RASGEF1A: variants seen among roughly 807,000 people sequenced by gnomAD.
RASGEF1A encodes ras-GEF domain-containing family member 1A.
Under a neutral mutation model 56.4 loss-of-function variants are expected in RASGEF1A, and 18 were observed. The observed-to-expected ratio is 0.32, with a 90% CI of 0.22 to 0.47. The LOEUF is 0.47. RASGEF1A is among the 20% of genes least tolerant of loss of function. The pLI, the probability that RASGEF1A is intolerant of heterozygous loss-of-function variation, is 1.00. For synonymous variants in RASGEF1A, 245 were observed against 242.6 expected (o/e 1.01, Z -0.09); for missense variants, 422 against 627.1 (o/e 0.67, Z 3.49).
At position 43,256,638 on chromosome 10, in the gene RASGEF1A, T is replaced by A. The variant is rs144807337; in HGVS notation, c.-7+10207A>T. Among the ~76,000 whole-genome samples, 46 of 152,034 alleles carry A rather than the reference T, an allele frequency of 3.0e-4. 1 individual carries two copies. Among genetic ancestry groups the A allele is most frequent in the African/African-American group, 1.1e-3 (46 of 41,448 alleles). On this transcript the variant is annotated intron_variant, in intron 1 of 12. Coordinates refer to ENST00000395810, the MANE Select transcript of RASGEF1A (RefSeq NM_145313.4). Reference sequence around the variant, plus strand: ...AGTGCGACTCTGGACCTCAGCCGCTTCCCCCACACAGTCTCCCGTCCCTGG... The same window carrying A: ...AGTGCGACTCTGGACCTCAGCCGCTACCCCCACACAGTCTCCCGTCCCTGG...
In RASGEF1A at chr10:43,196,224, C is replaced by A. The variant is rs542466363; in HGVS notation, c.*20G>T. On this transcript the variant is annotated 3_prime_UTR_variant, in exon 13 of 13. Coordinates refer to ENST00000395810, the MANE Select transcript of RASGEF1A (RefSeq NM_145313.4). The surrounding 1 kb of genome is among the most constrained non-coding windows in gnomAD (Gnocchi z 4.6). The stretch of plus-strand genomic sequence containing the variant: ...CAGTTAGTGCACGTGCTTCCTCTGG[C>A]GTCGCGGGCTGCATCCGCCTCAGGC... 6 of 1,611,840 alleles carry A rather than the reference C, an allele frequency of 3.7e-6. No individual in the cohort carries two copies. The highest frequency in any genetic ancestry group is 5.1e-6 in the Non-Finnish European group (6 of 1,178,602).
chr10:43,260,654 C>T (rs1836511616), intron 1 of RASGEF1A, among the ~76,000 whole-genome samples: 1 of 152,182 alleles, frequency 6.6e-6, no homozygotes, highest in Non-Finnish European at 1.5e-5. Context: ...TGGCCACTGT[C>T]CCGCCCCCTC....
intron 1 of RASGEF1A, among the ~76,000 whole-genome samples, chr10:43,234,764 C>G (rs558336606): frequency 6.6e-6 from 1 of 152,340 alleles, no homozygotes; most frequent in African/African-American, 2.4e-5. Context: ...GCCCGAGATG[C>G]CAATTCACAA....
intron 1 of RASGEF1A, among the ~76,000 whole-genome samples, chr10:43,214,759 G>C (rs771545072): frequency 1.5e-4 from 23 of 152,222 alleles, no homozygotes; most frequent in Non-Finnish European, 3.1e-4. Flanking sequence ...CCAAAGCAGG[G>C]ATTAACCTTC....
chr10:43,264,201 G>A (rs1307809734), intron 1 of RASGEF1A, among the ~76,000 whole-genome samples: 2 of 151,688 alleles, frequency 1.3e-5, no homozygotes, highest in East Asian at 2.0e-4. Context: ...AGCGCGCAGG[G>A]ACATTCTGCA....
At chr10:43,200,583 A>G in intron 5 of RASGEF1A, 84 bp downstream of exon 5, 1 of 1,225,838 alleles carries the variant, frequency 8.2e-7, no homozygotes, top group Non-Finnish European at 1.2e-6. Flanking sequence ...CAGTGTGACT[A>G]GCAGGGGCCT....
intron 1 of RASGEF1A, among the ~76,000 whole-genome samples, chr10:43,252,352 G>T (rs114715466): frequency 2.0e-5 from 3 of 152,240 alleles, no homozygotes; most frequent in Admixed American, 6.5e-5. Flanking sequence ...GCCAGGACTA[G>T]GTGGGCAGGG....
intron 1 of RASGEF1A, among the ~76,000 whole-genome samples, chr10:43,260,778 A>T (rs1255523929): frequency 6.6e-6 from 1 of 152,214 alleles, no homozygotes; most frequent in East Asian, 1.9e-4. Context: ...GACGGCCGTG[A>T]TCCACAGCGC....
At chr10:43,265,899 A>G (rs7900769) in intron 1 of RASGEF1A, among the ~76,000 whole-genome samples, 125,020 of 152,220 alleles carry the variant, frequency 0.82, 51,912 homozygotes, top group Non-Finnish European at 0.87. Flanking sequence ...CCTGTGTTTC[A>G]GGATCCTGCG....
At chr10:43,211,634 G>A (rs762363152) in intron 1 of RASGEF1A, among the ~76,000 whole-genome samples, 3 of 152,168 alleles carry the variant, frequency 2.0e-5, no homozygotes, top group Non-Finnish European at 4.4e-5. Flanking sequence ...GAAGTGACTC[G>A]TGGGGTCCTG....
chr10:43,216,249 G>A (rs1276187327), intron 1 of RASGEF1A, among the ~76,000 whole-genome samples: 1 of 152,140 alleles, frequency 6.6e-6, no homozygotes, highest in African/African-American at 2.4e-5. Context: ...CATTGCCATC[G>A]GTACTCAGGG....
rs535330722 is a variant in RASGEF1A, at chr10:43,229,702, G to A, written c.-6-23580C>T. 21 of 1,428,904 alleles carry A rather than the reference G, an allele frequency of 1.5e-5. No homozygotes were observed. The South Asian group carries it at 1.5e-4, about 10-fold the overall frequency. The allele number at this position is 1,428,904 out of a possible 1,614,324, so 88.5% of individuals were successfully genotyped here. On this transcript the variant is annotated intron_variant, in intron 1 of 12. Coordinates refer to ENST00000395810, the MANE Select transcript of RASGEF1A (RefSeq NM_145313.4). Reference sequence around the variant, plus strand: ...CGTCCTGCCCGGTCCGGCGTCCAGCGAGCGGCGGCTCCTCTGCCCGCGAGC... The same window carrying A: ...CGTCCTGCCCGGTCCGGCGTCCAGCAAGCGGCGGCTCCTCTGCCCGCGAGC...
At position 43,266,895 on chromosome 10, in the gene RASGEF1A, C is replaced by T. The variant is rs1374215308; in HGVS notation, c.-57G>A. 1 of 145,980 alleles carries T rather than the reference C, an allele frequency of 6.9e-6. No homozygotes were observed. The highest frequency in any genetic ancestry group is 6.8e-5 in the Admixed American group (1 of 14,710). The allele number at this position is 145,980 out of a possible 1,614,324, so 9.0% of individuals were successfully genotyped here. A position where few individuals can be genotyped will look rare whatever the true frequency, so the allele number is the denominator to read the frequency against. The stretch of plus-strand genomic sequence containing the variant: ...GCGCCGCCCTCGCGCCGCAGTCGGG[C>T]CCCGAGCAGCGCGCGGCCGGCGCCG... On this transcript the variant is annotated 5_prime_UTR_variant, in exon 1 of 13. Transcript: ENST00000395810.
chr10:43,258,592 G>A (rs1363393239), intron 1 of RASGEF1A, among the ~76,000 whole-genome samples: 1 of 152,196 alleles, frequency 6.6e-6, no homozygotes, highest in Non-Finnish European at 1.5e-5. Context: ...AGTTTTGGTG[G>A]GCCGAGGGGC....
chr10:43,239,896 G>A (rs2133217254), intron 1 of RASGEF1A, among the ~76,000 whole-genome samples: 1 of 151,720 alleles, frequency 6.6e-6, no homozygotes. Context: ...TAACAGTGAA[G>A]CAAGCAATAG....
At chr10:43,266,229 G>A (rs1284015245) in intron 1 of RASGEF1A, among the ~76,000 whole-genome samples, 1 of 152,134 alleles carries the variant, frequency 6.6e-6, no homozygotes, top group Non-Finnish European at 1.5e-5. Flanking sequence ...CACCTGCCCC[G>A]TTCCTGGGGC....
intron 10 of RASGEF1A, 86 bp downstream of exon 10, chr10:43,197,918 C>T: frequency 8.1e-7 from 1 of 1,241,152 alleles, no homozygotes; most frequent in South Asian, 1.4e-5. Context: ...AGGAAACCCA[C>T]AGATCCCGAC....
chr10:43,207,810 C>G (rs1374720931), intron 1 of RASGEF1A: 1 of 651,552 alleles, frequency 1.5e-6, no homozygotes, highest in African/African-American at 2.0e-5. Context: ...CACTCCAGCC[C>G]AGGAACCACT....
chr10:43,206,208 T>C lies in RASGEF1A; in HGVS notation c.-6-86A>G, dbSNP rs569403219. 152 of 1,144,666 alleles carry C rather than the reference T, an allele frequency of 1.3e-4. 2 individuals are homozygous for C. The African/African-American group carries it at 1.9e-3, about 14-fold the overall frequency. The allele number at this position is 1,144,666 out of a possible 1,614,324, so 70.9% of individuals were successfully genotyped here. A position where few individuals can be genotyped will look rare whatever the true frequency, so the allele number is the denominator to read the frequency against. On this transcript the variant is annotated intron_variant, in intron 1 of 12. Transcript: ENST00000395810. ...CCTCCCAGGCAGCCTGCAGCGTGCA[T>C]GCATGTGTGCAGGGGTGCGTGGCAG...
Sources: allele counts gnomAD v4.1 joint callset (sites outside exome capture counted in the v4.1 genomes callset), GRCh38; gene constraint gnomAD v4.1.1; non-coding constraint Gnocchi (gnomAD v3.1); transcripts MANE v1.5; gene names NCBI Gene and HGNC (gene_info 2026-07-23, HGNC 2026-07-21).